Variants in CAMTA1 observed in about 807,000 individuals in gnomAD.
The protein encoded by CAMTA1 is calmodulin-binding transcription activator 1.
CAMTA1 carries 27 observed loss-of-function variants against 170.9 expected under a neutral mutation model. The ratio of observed to expected loss-of-function variants is 0.16; its 90% CI spans 0.12 to 0.22. The LOEUF is 0.22. Ranked by LOEUF, CAMTA1 falls within the 10% of genes least tolerant of loss-of-function variation. The probability of loss-of-function intolerance (pLI) is 1.00; values close to 1 mark genes in which losing one functional copy is unlikely to be tolerated. For synonymous variants in CAMTA1, 833 were observed against 891.5 expected (o/e 0.93, Z 1.17); for missense variants, 1,619 against 2,217.2 (o/e 0.73, Z 5.42).
At chr1:7,159,840 C>A (rs1205776158) in intron 4 of CAMTA1, among the ~76,000 whole-genome samples, 1 of 152,214 alleles carries the variant, frequency 6.6e-6, no homozygotes, top group Non-Finnish European at 1.5e-5. Flanking sequence ...TGAGCTACCA[C>A]CCCTGGCCTT....
intron 11 of CAMTA1, among the ~76,000 whole-genome samples, chr1:7,706,517 A>G (rs898287347): frequency 2.0e-5 from 3 of 152,246 alleles, no homozygotes; most frequent in African/African-American, 7.2e-5. Flanking sequence ...ATGCAGAAGC[A>G]CTTTTCCTGC....
Position 7,065,033 on chromosome 1 carries a change from A to T in CAMTA1, c.235-26271A>T, listed in dbSNP as rs1426945221. 1.3e-5 allele frequency among the ~76,000 whole-genome samples: 2 copies of T among 152,130 alleles called. No individual in the cohort carries two copies. The highest frequency in any genetic ancestry group is 2.4e-5 in the African/African-American group (1 of 41,420). ...TCTACCGAGAAGGCAAAGCCTGGGGAAAAACAGGTTTGAGGAGGCAAATAA... is the reference window on the plus strand; with the variant it reads ...TCTACCGAGAAGGCAAAGCCTGGGGTAAAACAGGTTTGAGGAGGCAAATAA... On this transcript the variant is annotated intron_variant, in intron 3 of 22. Transcript: ENST00000303635. This position sits in a 1 kb window ranked among gnomAD's most constrained non-coding sequence, Gnocchi z 5.2.
chr1:7,593,813 A>G (rs922907951), intron 6 of CAMTA1, among the ~76,000 whole-genome samples: 4 of 143,938 alleles, frequency 2.8e-5, no homozygotes, highest in African/African-American at 7.5e-5. Context: ...AGGCCAAGGC[A>G]GGTGGATCAC....
Position 7,737,291 on chromosome 1 carries a change from G to T in CAMTA1, c.3379G>T (p.Val1127Phe). The stretch of plus-strand genomic sequence containing the variant: ...TGCCCTAGGGCACTTGGAAGCTGCC[G>T]TCGTGCTGTACAAGTGGGACCGTCG... ...ACALGHLEAA[V>F]VLYKWDRRAI... Residue 1127 changes from valine to phenylalanine, a missense_variant, in exon 15 of 23, where the codon GTC becomes TTC. Coordinates refer to ENST00000303635, the MANE Select transcript of CAMTA1 (RefSeq NM_015215.4). The T allele has an allele frequency of 6.2e-7, 1 of 1,614,090 alleles. No individual in the cohort carries two copies. The highest frequency in any genetic ancestry group is 8.5e-7 in the Non-Finnish European group (1 of 1,179,990).
intron 4 of CAMTA1, among the ~76,000 whole-genome samples, chr1:7,172,399 C>T (rs1402232250): frequency 6.6e-6 from 1 of 152,236 alleles, no homozygotes; most frequent in Non-Finnish European, 1.5e-5. Context: ...ATCTGCCCAC[C>T]TCGGCCTCCC....
intron 6 of CAMTA1, among the ~76,000 whole-genome samples, chr1:7,600,639 G>GTGTTTGT (rs2095433285): frequency 6.6e-6 from 1 of 152,008 alleles, no homozygotes; most frequent in African/African-American, 2.4e-5. Flanking sequence ...GCCTTCCAAA[G>GTGTTTGT]TGTTTGTGTC....
intron 3 of CAMTA1, among the ~76,000 whole-genome samples, chr1:7,079,910 G>A (rs1233091218): frequency 1.3e-5 from 2 of 152,182 alleles, no homozygotes; most frequent in African/African-American, 4.8e-5. Context: ...CCGAAAGGGG[G>A]AACAGTCTGT....
intron 3 of CAMTA1, among the ~76,000 whole-genome samples, chr1:6,996,159 T>C (rs1347648935): frequency 1.3e-5 from 2 of 152,222 alleles, no homozygotes; most frequent in Non-Finnish European, 2.9e-5. Flanking sequence ...TAAACAGACA[T>C]CTTCATACAA....
intron 22 of CAMTA1, among the ~76,000 whole-genome samples, chr1:7,761,006 G>A (rs1033929146): frequency 5.3e-5 from 8 of 152,194 alleles, no homozygotes; most frequent in Admixed American, 1.3e-4. Flanking sequence ...ATCATTGGAC[G>A]TCTGATGGAA....
At position 7,405,451 on chromosome 1, in the gene CAMTA1, G is replaced by A. The variant is rs577825832; in HGVS notation, c.439-62379G>A. Among the ~76,000 whole-genome samples, 4 of 152,190 alleles carry A rather than the reference G, an allele frequency of 2.6e-5. No homozygotes were observed. The East Asian group carries it at 7.7e-4, about 29-fold the overall frequency. On this transcript the variant is annotated intron_variant, in intron 5 of 22. Transcript: ENST00000303635. ...AGTAGCACGATCATGGCTCCCTTCA[G>A]CCTTAACTTCTCAGGCTCAAGCAAT... is the stretch of plus-strand genomic sequence containing the variant.
chr1:6,883,277 G>A (rs771303782), intron 3 of CAMTA1, among the ~76,000 whole-genome samples: 7 of 152,182 alleles, frequency 4.6e-5, no homozygotes, highest in Non-Finnish European at 7.3e-5. Flanking sequence ...GTTTCACTGT[G>A]GGCTTGGTAG....
chr1:6,793,710 G>A (rs1019218706), intron 1 of CAMTA1, among the ~76,000 whole-genome samples: 36 of 152,198 alleles, frequency 2.4e-4, no homozygotes, highest in African/African-American at 7.9e-4. Flanking sequence ...TTCTTTCAAC[G>A]TAGAGAGAGA....
Position 7,501,388 on chromosome 1 carries a change from T to G in CAMTA1, c.510+33487T>G, listed in dbSNP as rs74701400. Among the ~76,000 whole-genome samples, 1,045 of 152,290 alleles carry G rather than the reference T, an allele frequency of 6.9e-3. 13 individuals are homozygous for G. The highest frequency in any genetic ancestry group is 0.023 in the African/African-American group (976 of 41,560). The stretch of plus-strand genomic sequence containing the variant: ...GGACCAGATGTGCCCTCACAGCTGC[T>G]GCTTCAGGTTTCTGTGCTCCAGAGC... On this transcript the variant is annotated intron_variant, in intron 6 of 22. Transcript: ENST00000303635.
intron 3 of CAMTA1, among the ~76,000 whole-genome samples, chr1:6,845,685 TAGC>T (rs1308191377): frequency 1.3e-5 from 2 of 152,240 alleles, no homozygotes; most frequent in South Asian, 2.1e-4. Flanking sequence ...AATTGCTTCT[TAGC>T]AGGTTGTATC....
chr1:7,256,516 C>T (rs9988462), intron 5 of CAMTA1, among the ~76,000 whole-genome samples: 90,253 of 152,036 alleles, frequency 0.59, 27,447 homozygotes, highest in African/African-American at 0.66. Context: ...GCTGAGATCG[C>T]GCCACTGCAC....
chr1:7,322,268 C>T (rs1678545344), intron 5 of CAMTA1, among the ~76,000 whole-genome samples: 1 of 152,228 alleles, frequency 6.6e-6, no homozygotes, highest in South Asian at 2.1e-4. Context: ...CAATCGAAGG[C>T]TCCCTGGCTT....
At chr1:7,405,630 C>T (rs2090231088) in intron 5 of CAMTA1, among the ~76,000 whole-genome samples, 1 of 152,192 alleles carries the variant, frequency 6.6e-6, no homozygotes, top group Non-Finnish European at 1.5e-5. Flanking sequence ...CCTTGGCCTC[C>T]CACAGTGCTG....
chr1:7,623,419 G>A (rs768664978), intron 6 of CAMTA1, among the ~76,000 whole-genome samples: 1 of 152,202 alleles, frequency 6.6e-6, no homozygotes, highest in Non-Finnish European at 1.5e-5. Flanking sequence ...GGGTGAGCTG[G>A]GACCCCAGTC....
chr1:7,434,252 T>A (rs1192576478), intron 5 of CAMTA1, among the ~76,000 whole-genome samples: 2 of 152,094 alleles, frequency 1.3e-5, no homozygotes, highest in Non-Finnish European at 2.9e-5. Flanking sequence ...GGCAACCATA[T>A]CCTCACCCTG....
Sources: gnomAD v4.1 joint callset for allele counts (sites outside exome capture counted in the v4.1 genomes callset) on GRCh38, gnomAD v4.1.1 for gene constraint, Gnocchi (gnomAD v3.1) non-coding constraint, MANE v1.5 for transcripts, NCBI Gene and HGNC (gene_info 2026-07-23, HGNC 2026-07-21) for gene names.